The following ACSM1 variants were observed in gnomAD, a reference collection of about 807,000 sequenced individuals.
ACSM1 encodes the protein acyl-coenzyme A synthetase ACSM1, mitochondrial.
ACSM1 carries 79 observed loss-of-function variants against 75.8 expected under a neutral mutation model. The ratio of observed to expected loss-of-function variants is 1.04; its 90% confidence interval spans 0.87 to 1.26. The LOEUF (loss-of-function observed/expected upper bound fraction) is 1.26. ACSM1 is among the 50% of genes most tolerant of loss of function. The pLI, the probability that ACSM1 is intolerant of heterozygous loss-of-function variation, is 0.00. For synonymous variants in ACSM1, 279 were observed against 265.8 expected, an observed-to-expected ratio of 1.05 and a Z score of -0.48; for missense variants, 676 against 720.1, an observed-to-expected ratio of 0.94 and a Z score of 0.70.
At chr16:20,635,618 T>G (rs1567251825) in intron 10 of ACSM1, among the ~76,000 whole-genome samples, 1 of 110,334 alleles carries the variant, frequency 9.1e-6, no homozygotes, top group Non-Finnish European at 2.0e-5. Flanking sequence ...CTTTCTTTCT[T>G]TCTTTCTTTC....
chr16:20,629,702 A>G (rs2017216396), intron 10 of ACSM1, among the ~76,000 whole-genome samples: 2 of 152,234 alleles, frequency 1.3e-5, no homozygotes, highest in Admixed American at 1.3e-4. Flanking sequence ...AGATTTAAAG[A>G]CACGAATTCC....
chr16:20,668,008 T>C (rs1050457984), intron 6 of ACSM1, among the ~76,000 whole-genome samples: 1 of 152,040 alleles, frequency 6.6e-6, no homozygotes, highest in Non-Finnish European at 1.5e-5. Context: ...CAATAGACAC[T>C]ATGAGAAGGG....
At chr16:20,676,291 A>T (rs115575068) in intron 4 of ACSM1, 1 of 152,278 alleles carries the variant, frequency 6.6e-6, no homozygotes, top group East Asian at 1.9e-4. Context: ...CACCTACAAA[A>T]GTGCCAAGAA....
At chr16:20,659,101 A>G (rs142007490) in intron 7 of ACSM1, among the ~76,000 whole-genome samples, 1 of 152,350 alleles carries the variant, frequency 6.6e-6, no homozygotes, top group East Asian at 1.9e-4. Flanking sequence ...TCAGATCATG[A>G]TAACTCAGAA....
chr16:20,668,208 C>T (rs399499), intron 6 of ACSM1, among the ~76,000 whole-genome samples: 1 of 151,968 alleles, frequency 6.6e-6, no homozygotes, highest in Non-Finnish European at 1.5e-5. Flanking sequence ...TGGACTAATA[C>T]AATATCTAAA....
chr16:20,638,705 T>C (rs2017881101), intron 8 of ACSM1, among the ~76,000 whole-genome samples: 1 of 152,222 alleles, frequency 6.6e-6, no homozygotes, highest in South Asian at 2.1e-4. Context: ...CAAGCTGTAA[T>C]TGGCAGAGCT....
At chr16:20,695,238 C>T (rs1418509651) in intron 1 of ACSM1, among the ~76,000 whole-genome samples, 1 of 152,118 alleles carries the variant, frequency 6.6e-6, no homozygotes, top group Non-Finnish European at 1.5e-5. Flanking sequence ...CTTTCATTTC[C>T]CACCCACATA....
At chr16:20,636,710 C>G (rs1016801025) in intron 10 of ACSM1, 29 bp downstream of exon 10, 2 of 1,556,082 alleles carry the variant, frequency 1.3e-6, no homozygotes, top group African/African-American at 2.7e-5. Flanking sequence ...TCCTTGGGGC[C>G]AGGATGGGGG....
intron 6 of ACSM1, among the ~76,000 whole-genome samples, chr16:20,665,513 A>C (rs1442483013): frequency 2.0e-5 from 3 of 152,120 alleles, no homozygotes; most frequent in African/African-American, 7.2e-5. Context: ...TACTAATCCC[A>C]AAAAGCCCTG....
chr16:20,663,604 C>T (rs909144668), intron 6 of ACSM1, among the ~76,000 whole-genome samples: 3 of 152,120 alleles, frequency 2.0e-5, no homozygotes, highest in African/African-American at 7.2e-5. Flanking sequence ...GGGAATGTCG[C>T]CCTGAAATGC....
At chr16:20,643,801 T>C (rs751318786) in intron 7 of ACSM1, among the ~76,000 whole-genome samples, 40 of 152,296 alleles carry the variant, frequency 2.6e-4, no homozygotes, top group Non-Finnish European at 4.9e-4. Flanking sequence ...GATTGGTGCA[T>C]TTTTACAGAG....
At chr16:20,665,853 T>C (rs2019538261) in intron 6 of ACSM1, among the ~76,000 whole-genome samples, 1 of 152,118 alleles carries the variant, frequency 6.6e-6, no homozygotes, top group Non-Finnish European at 1.5e-5. Flanking sequence ...ATAAACAGGA[T>C]TCACCTCTTA....
chr16:20,667,533 G>T lies in ACSM1; in HGVS notation c.912+2294C>A, dbSNP rs561696084. ...ATGCTGGTGAGGCTTTGGAAAAAAT[G>T]GAATGCTTATATACTATTGATAGAA... On this transcript the variant is annotated intron_variant, in intron 6 of 13. Coordinates refer to ENST00000520010, the MANE Select transcript of ACSM1 (RefSeq NM_001318890.3). Among the ~76,000 whole-genome samples, 6 of 152,234 alleles carry T rather than the reference G, an allele frequency of 3.9e-5. No individual in the cohort carries two copies. The South Asian group carries it at 1.2e-3, about 32-fold the overall frequency.
chr16:20,683,739 T>TTCTC (rs1442380115), intron 3 of ACSM1, among the ~76,000 whole-genome samples: 11 of 151,350 alleles, frequency 7.3e-5, no homozygotes, highest in African/African-American at 2.7e-4. Flanking sequence ...CTTTCTTTCT[T>TTCTC]TTTGTATTTT....
intron 1 of ACSM1, among the ~76,000 whole-genome samples, chr16:20,695,996 A>G (rs751875625): frequency 6.6e-6 from 1 of 152,212 alleles, no homozygotes; most frequent in Admixed American, 6.5e-5. Flanking sequence ...AATTATAATG[A>G]CATATTTCTA....
At chr16:20,651,398 G>A (rs1397222114) in intron 7 of ACSM1, among the ~76,000 whole-genome samples, 1 of 152,150 alleles carries the variant, frequency 6.6e-6, no homozygotes, top group African/African-American at 2.4e-5. Flanking sequence ...GGAGGCCGAG[G>A]TGGGCACATT....
At chr16:20,636,205 C>T (rs2017696177) in intron 10 of ACSM1, among the ~76,000 whole-genome samples, 1 of 152,162 alleles carries the variant, frequency 6.6e-6, no homozygotes, top group Non-Finnish European at 1.5e-5. Context: ...CCATTCCTAT[C>T]CTGGGAGGGC....
intron 10 of ACSM1, among the ~76,000 whole-genome samples, chr16:20,628,567 C>T (rs2017134934): frequency 6.6e-6 from 1 of 151,364 alleles, no homozygotes; most frequent in African/African-American, 2.4e-5. Flanking sequence ...TTTTTCTCAG[C>T]ATAATCCCCC....
chr16:20,632,436 G>A (rs756289556), intron 10 of ACSM1, among the ~76,000 whole-genome samples: 1 of 152,138 alleles, frequency 6.6e-6, no homozygotes, highest in Non-Finnish European at 1.5e-5. Flanking sequence ...TGATTACCTA[G>A]ATAAAATGGA....
Sources: gnomAD v4.1 joint callset for allele counts (sites outside exome capture counted in the v4.1 genomes callset) on GRCh38, gnomAD v4.1.1 for gene constraint, MANE v1.5 for transcripts, NCBI Gene and HGNC (gene_info 2026-07-23, HGNC 2026-07-21) for gene names.